PIK3C2B: variants seen among roughly 807,000 people sequenced by gnomAD.
PIK3C2B encodes the protein phosphatidylinositol-4-phosphate 3-kinase catalytic subunit type 2 beta, also known as phosphatidylinositol 4-phosphate 3-kinase C2 domain-containing subunit beta.
Under a neutral mutation model 184.3 loss-of-function variants are expected in PIK3C2B, and 83 were observed. That is an observed-to-expected ratio of 0.45 (90% CI 0.38 to 0.54). The LOEUF (loss-of-function observed/expected upper bound fraction) is 0.54. Among genes scored for constraint, PIK3C2B ranks in the 20% least tolerant of loss-of-function variants. PIK3C2B has a pLI of 0.00. For synonymous variants in PIK3C2B, 779 were observed against 837.6 expected, an observed-to-expected ratio of 0.93 and a Z score of 1.21; for missense variants, 1,736 against 2,113.5, an observed-to-expected ratio of 0.82 and a Z score of 3.50.
chr1:204,444,534 T>C, intron 16 of PIK3C2B, 110 bp from the exon 17 acceptor site: 1 of 712,074 alleles, frequency 1.4e-6, no homozygotes. Context: ...GAAAATGCAA[T>C]GGCCCTAGAT....
At chr1:204,459,357 G>A (rs1033143672) in intron 8 of PIK3C2B, among the ~76,000 whole-genome samples, 7 of 152,224 alleles carry the variant, frequency 4.6e-5, no homozygotes, top group African/African-American at 7.2e-5. Context: ...TTTCTTTGGC[G>A]TTGTGACATT....
chr1:204,438,485 G>C (rs1675472541), intron 23 of PIK3C2B, among the ~76,000 whole-genome samples: 1 of 152,140 alleles, frequency 6.6e-6, no homozygotes, highest in Non-Finnish European at 1.5e-5. Context: ...TCCATAACTA[G>C]GAATGAATGA....
intron 1 of PIK3C2B, among the ~76,000 whole-genome samples, chr1:204,479,578 TC>T (rs1227603196): frequency 6.6e-6 from 1 of 151,918 alleles, no homozygotes; most frequent in Non-Finnish European, 1.5e-5. Flanking sequence ...TAAACAAAGG[TC>T]CTCTGAAAGA....
chr1:204,466,389 G>A (rs1655791361), intron 2 of PIK3C2B, among the ~76,000 whole-genome samples: 1 of 150,936 alleles, frequency 6.6e-6, no homozygotes, highest in Non-Finnish European at 1.5e-5. Context: ...TGGGGCAGAT[G>A]ACAGCAACTG....
chr1:204,460,412 G>A lies in PIK3C2B; in HGVS notation c.1423-9C>T. 2 of 1,611,542 alleles carry A rather than the reference G, an allele frequency of 1.2e-6. No homozygotes were observed. Among genetic ancestry groups the A allele is most frequent in the South Asian group, 1.1e-5 (1 of 91,024 alleles). On this transcript the variant is annotated splice_polypyrimidine_tract_variant and intron_variant, in intron 6 of 32. Coordinates refer to ENST00000684373, the MANE Select transcript of PIK3C2B (RefSeq NM_001377334.1). ...CTCTGGTCATCATTCACCTGTATAA[G>A]AAGTGACCTATTCAGAGAGGGGCGG...
intron 23 of PIK3C2B, among the ~76,000 whole-genome samples, chr1:204,437,713 A>G (rs1444815808): frequency 6.6e-6 from 1 of 152,212 alleles, no homozygotes; most frequent in Non-Finnish European, 1.5e-5. Flanking sequence ...CATCAGGAAG[A>G]CCGTGGCTTT....
At position 204,494,359 on chromosome 1, in the gene PIK3C2B, C is replaced by A. The variant is rs1305695510; in HGVS notation, c.-88G>T. 1 of 152,408 alleles carries A rather than the reference C, an allele frequency of 6.6e-6. No homozygotes were observed. The highest frequency in any genetic ancestry group is 2.4e-5 in the African/African-American group (1 of 41,470). The allele number at this position is 152,408 out of a possible 1,614,324, so 9.4% of individuals were successfully genotyped here. A position where few individuals can be genotyped will look rare whatever the true frequency, so the allele number is the denominator to read the frequency against. Reference sequence around the variant, plus strand: ...ACCCGCAGGATGCGTGTCCTACCTGCGCTAGCTGCTGGCTCTGCTGCAACA... The same window carrying A: ...ACCCGCAGGATGCGTGTCCTACCTGAGCTAGCTGCTGGCTCTGCTGCAACA... On this transcript the variant is annotated 5_prime_UTR_variant, in exon 1 of 33. Coordinates refer to ENST00000684373, the MANE Select transcript of PIK3C2B (RefSeq NM_001377334.1).
At chr1:204,425,817 C>G (rs1478329892) in intron 31 of PIK3C2B, 76 bp from the exon 32 acceptor site, 3 of 1,398,152 alleles carry the variant, frequency 2.1e-6, no homozygotes, top group Non-Finnish European at 3.0e-6. Flanking sequence ...TGTGATCACA[C>G]TCTGATCCAG....
chr1:204,436,728 T>C (rs1449806153), intron 23 of PIK3C2B, among the ~76,000 whole-genome samples: 1 of 152,242 alleles, frequency 6.6e-6, no homozygotes, highest in Non-Finnish European at 1.5e-5. Context: ...TTTCCATACA[T>C]TTACACATAT....
Position 204,469,409 on chromosome 1 carries a change from C to A in PIK3C2B, c.394G>T (p.Asp132Tyr). 1.3e-6 allele frequency: 2 copies of A among 1,546,516 alleles called. No homozygotes were observed. The highest frequency in any genetic ancestry group is 1.7e-6 in the Non-Finnish European group (2 of 1,151,566). ...SLSGDYLYIF[D>Y]GSDGGVSSSP... ...GAAGAGACTCCCCCATCTGAACCATCAAAAATGTAGAGATAGTCTCCAGAC... is the reference window on the plus strand; with the variant it reads ...GAAGAGACTCCCCCATCTGAACCATAAAAAATGTAGAGATAGTCTCCAGAC... The change falls in exon 2 of 33, where the codon GAT becomes TAT. Residue 132 changes from aspartate (D) to tyrosine (Y), a missense_variant. Coordinates refer to ENST00000684373, the MANE Select transcript of PIK3C2B (RefSeq NM_001377334.1).
chr1:204,446,531 C>A (rs980484825), intron 15 of PIK3C2B, among the ~76,000 whole-genome samples: 3 of 152,220 alleles, frequency 2.0e-5, no homozygotes, highest in Admixed American at 6.5e-5. Flanking sequence ...CCTGCGGATG[C>A]CCTGAGGGCA....
chr1:204,446,432 A>C (rs1356549295), intron 15 of PIK3C2B, among the ~76,000 whole-genome samples: 3 of 152,182 alleles, frequency 2.0e-5, no homozygotes, highest in African/African-American at 7.2e-5. Flanking sequence ...AAGTTTGGGA[A>C]CCAGAGCCCA....
At chr1:204,461,194 C>A (rs1281435586) in intron 5 of PIK3C2B, among the ~76,000 whole-genome samples, 1 of 152,244 alleles carries the variant, frequency 6.6e-6, no homozygotes, top group Admixed American at 6.5e-5. Context: ...CCCCACCCAA[C>A]TTCTTTTTCT....
At position 204,427,701 on chromosome 1, in the gene PIK3C2B, T is replaced by C. The variant is rs774232064; in HGVS notation, c.4534A>G (p.Ile1512Val). 1.4e-5 allele frequency: 23 copies of C among 1,614,004 alleles called. No individual in the cohort carries two copies. In the East Asian group the frequency reaches 3.3e-4, roughly 23 times the overall value. ...AAGAGTTTATTGTTTTTGTAGGAGA[T>C]GGACAGCTTCACCTCCCCTCCCACC... is the stretch of plus-strand genomic sequence containing the variant. ...GKVGGEVKLS[I>V]SYKNNKLFIM... is the part of the protein sequence containing the mutation. Residue 1512 changes from isoleucine (I) to valine (V), a missense_variant, in exon 31 of 33, where the codon ATC becomes GTC. Ile to Val is a conservative substitution (Grantham distance 29). Around this residue, in one of 8 missense-constraint regions of PIK3C2B, gnomAD observed 95 missense variants for 164.2 expected, o/e 0.58. Transcript: ENST00000684373.
chr1:204,476,079 C>T (rs1656683813), intron 1 of PIK3C2B, among the ~76,000 whole-genome samples: 1 of 152,152 alleles, frequency 6.6e-6, no homozygotes, highest in African/African-American at 2.4e-5. Flanking sequence ...CGAGGGAACT[C>T]CAGAGATGGA....
At chr1:204,448,426 C>T (rs1306717292) in intron 14 of PIK3C2B, among the ~76,000 whole-genome samples, 1 of 152,114 alleles carries the variant, frequency 6.6e-6, no homozygotes, top group Non-Finnish European at 1.5e-5. Context: ...TCTATTGAAT[C>T]CTAACATGTG....
intron 1 of PIK3C2B, among the ~76,000 whole-genome samples, chr1:204,479,899 G>GCACCAC (rs1656995874): frequency 6.6e-6 from 1 of 152,252 alleles, no homozygotes; most frequent in Admixed American, 6.5e-5. Flanking sequence ...TCCAGCCAGG[G>GCACCAC]CACCAAAGTG....
At chr1:204,439,674 G>A (rs181420722) in intron 22 of PIK3C2B, among the ~76,000 whole-genome samples, 47 of 151,810 alleles carry the variant, frequency 3.1e-4, no homozygotes, top group Admixed American at 7.9e-4. Flanking sequence ...TCATTCTGTC[G>A]CCTGGTCTGA....
chr1:204,469,397 C>T lies in PIK3C2B; in HGVS notation c.406G>A (p.Gly136Arg), dbSNP rs781341712. Residue 136 changes from glycine to arginine, a missense_variant, in exon 2 of 33, where the codon GGG (glycine) becomes AGG (arginine). Physicochemically the swap from Gly to Arg is moderately radical, Grantham distance 125. Transcript: ENST00000684373. ...DYLYIFDGSDGGVSSSPGPGD... is the reference protein window; with the variant it reads ...DYLYIFDGSDRGVSSSPGPGD... ...GGTCCTGGGGACGAAGAGACTCCCC[C>T]ATCTGAACCATCAAAAATGTAGAGA... The T allele has an allele frequency of 1.4e-5, 22 of 1,543,636 alleles. No individual in the cohort carries two copies. In the Admixed American group the frequency reaches 4.2e-4, roughly 29 times the overall value.
Sources: allele counts gnomAD v4.1 joint callset (sites outside exome capture counted in the v4.1 genomes callset), GRCh38; gene constraint gnomAD v4.1.1; regional missense constraint gnomAD v4.1.1; transcripts MANE v1.5; gene names NCBI Gene and HGNC (gene_info 2026-07-23, HGNC 2026-07-21).